The following ATP11C variants were observed in gnomAD, a reference collection of about 807,000 sequenced individuals.
ATP11C encodes the protein phospholipid-transporting ATPase IG.
ATP11C carries 36 observed loss-of-function variants against 97.4 expected under a neutral mutation model. That is an observed-to-expected ratio of 0.37 (90% CI 0.28 to 0.49). ATP11C has a LOEUF of 0.49. ATP11C is among the 20% of genes least tolerant of loss of function. ATP11C has a pLI of 0.98. For synonymous variants in ATP11C, 275 were observed against 290.9 expected (o/e 0.95, Z 0.56); for missense variants, 730 against 824.6 (o/e 0.89, Z 1.40).
intron 1 of ATP11C, among the ~76,000 whole-genome samples, chrX:139,846,931 A>C (rs1488376832): frequency 9.9e-6 from 1 of 100,699 alleles, no homozygotes; most frequent in Non-Finnish European, 2.0e-5. Flanking sequence ...ATGCCTGTAC[A>C]AAAAAAAAAA....
intron 1 of ATP11C, among the ~76,000 whole-genome samples, chrX:139,873,742 A>C (rs1170053050): frequency 9.4e-6 from 1 of 106,496 alleles, no homozygotes; most frequent in Non-Finnish European, 1.9e-5. Flanking sequence ...TAAGATGGTA[A>C]ATTTCGTTAC....
chrX:139,760,863 A>G lies in ATP11C; in HGVS notation c.2640+1098T>C, dbSNP rs1292453867. Among the ~76,000 whole-genome samples, 3 of 112,395 alleles carry G rather than the reference A, an allele frequency of 2.7e-5. No homozygotes were observed. The Admixed American group carries it at 2.8e-4, about 11-fold the overall frequency. ...AGTGAAAAAGGCAAAGTGCAAAGCA[A>G]TATGTATTATACCAATACGTACAAG... On this transcript the variant is annotated intron_variant, in intron 22 of 29. Transcript: ENST00000682941.
At chrX:139,800,597 C>T (rs1782352002) in intron 7 of ATP11C, among the ~76,000 whole-genome samples, 1 of 111,593 alleles carries the variant, frequency 9.0e-6, no homozygotes, top group Admixed American at 9.5e-5. Flanking sequence ...TCAGGTTCCC[C>T]AGTAATGCTG....
intron 1 of ATP11C, among the ~76,000 whole-genome samples, chrX:139,886,213 G>GT (rs1209292394): frequency 1.8e-5 from 2 of 109,722 alleles, no homozygotes; most frequent in East Asian, 2.8e-4. Flanking sequence ...TATAGAAATT[G>GT]TTTTTTTTCC....
chrX:139,853,870 C>T (rs1458722900), intron 1 of ATP11C, among the ~76,000 whole-genome samples: 2 of 85,829 alleles, frequency 2.3e-5, no homozygotes, highest in Non-Finnish European at 4.5e-5. Flanking sequence ...AGGTAGCTTA[C>T]TAACTCAAAA....
At chrX:139,866,343 C>CAA (rs57250412) in intron 1 of ATP11C, among the ~76,000 whole-genome samples, 613 of 26,835 alleles carry the variant, frequency 0.023, 16 homozygotes, top group African/African-American at 0.035. Flanking sequence ...GACTCTGTCT[C>CAA]AAAAAAAAAA....
chrX:139,820,891 C>T (rs1031121262), intron 2 of ATP11C, among the ~76,000 whole-genome samples: 6 of 110,866 alleles, frequency 5.4e-5, no homozygotes, highest in Admixed American at 4.8e-4. Context: ...GAGAGTTCTG[C>T]GGTTGACAGT....
chrX:139,895,902 TG>T (rs1467570949), intron 1 of ATP11C, among the ~76,000 whole-genome samples: 1 of 111,022 alleles, frequency 9.0e-6, no homozygotes, highest in Non-Finnish European at 1.9e-5. Context: ...TTTGAACTCC[TG>T]GCCTCAAGCT....
At chrX:139,780,201 A>G (rs1018954486) in intron 18 of ATP11C, among the ~76,000 whole-genome samples, 1 of 111,450 alleles carries the variant, frequency 9.0e-6, no homozygotes, top group Non-Finnish European at 1.9e-5. Context: ...CTCATTCTAC[A>G]AAACTAGTAT....
At chrX:139,931,426 A>C (rs2085431378) in intron 1 of ATP11C, among the ~76,000 whole-genome samples, 1 of 111,615 alleles carries the variant, frequency 9.0e-6, no homozygotes, top group Non-Finnish European at 1.9e-5. Flanking sequence ...GCCCACCCTG[A>C]CAATCACGCT....
intron 22 of ATP11C, among the ~76,000 whole-genome samples, chrX:139,760,939 T>C (rs1479152679): frequency 8.9e-6 from 1 of 112,003 alleles, no homozygotes; most frequent in East Asian, 2.8e-4. Context: ...ATGATGATGG[T>C]TGCACATCAT....
intron 12 of ATP11C, 53 bp downstream of exon 12, chrX:139,796,220 A>T (rs936183365): frequency 1.1e-5 from 11 of 966,790 alleles, no homozygotes; most frequent in Non-Finnish European, 1.4e-5. Flanking sequence ...GACTACACAA[A>T]AAGATATTTT....
intron 5 of ATP11C, among the ~76,000 whole-genome samples, chrX:139,809,536 A>C (rs2083122331): frequency 8.9e-6 from 1 of 112,401 alleles, no homozygotes; most frequent in Admixed American, 9.4e-5. Flanking sequence ...AGAAATGGGA[A>C]GTTACTGTTT....
At chrX:139,880,878 T>A (rs1163848355) in intron 1 of ATP11C, among the ~76,000 whole-genome samples, 2 of 111,991 alleles carry the variant, frequency 1.8e-5, no homozygotes, top group East Asian at 5.6e-4. Context: ...TAATTTTGCT[T>A]AATCTACAAG....
chrX:139,852,570 G>A (rs914246254), intron 1 of ATP11C, among the ~76,000 whole-genome samples: 19 of 101,250 alleles, frequency 1.9e-4, no homozygotes, highest in Non-Finnish European at 2.4e-4. Context: ...CGCGGGAGCC[G>A]TAAAGTACTT....
chrX:139,754,782 T>G (rs2081896405), intron 23 of ATP11C, among the ~76,000 whole-genome samples: 2 of 111,690 alleles, frequency 1.8e-5, no homozygotes, highest in South Asian at 7.5e-4. Flanking sequence ...AGAAAAGGTT[T>G]TCAATAAAAT....
intron 1 of ATP11C, among the ~76,000 whole-genome samples, chrX:139,836,805 G>A (rs1004200761): frequency 9.0e-6 from 1 of 111,402 alleles, no homozygotes; most frequent in East Asian, 2.8e-4. Flanking sequence ...CTTCTCAAAT[G>A]TGCCTATTAC....
intron 1 of ATP11C, among the ~76,000 whole-genome samples, chrX:139,907,836 C>A (rs1603416514): frequency 9.1e-6 from 1 of 110,123 alleles, no homozygotes; most frequent in East Asian, 2.8e-4. Flanking sequence ...AATTTTTTGG[C>A]CACTGTATTT....
Position 139,895,271 on chromosome X carries a change from G to GT in ATP11C, c.27+36744dup, listed in dbSNP as rs1215075718. Among the ~76,000 whole-genome samples the GT allele has an allele frequency of 6.2e-3, 670 of 108,884 alleles. 5 individuals carry two copies. Among genetic ancestry groups the GT allele is most frequent in the South Asian group, 0.012 (30 of 2,589 alleles). 94.6% of individuals were successfully genotyped at this position (108,884 alleles called of 115,157 possible). ...CAAAAAATCCCTACTTTTAGAATAA[G>GT]TTTTTTTTTTATTTTTTTGAGACAG... On this transcript the variant is annotated intron_variant, in intron 1 of 29. Coordinates refer to ENST00000682941, the MANE Select transcript of ATP11C (RefSeq NM_001353812.2).
Sources: gnomAD v4.1 joint callset for allele counts (sites outside exome capture counted in the v4.1 genomes callset) on GRCh38, gnomAD v4.1.1 for gene constraint, MANE v1.5 for transcripts, NCBI Gene and HGNC (gene_info 2026-07-23, HGNC 2026-07-21) for gene names.